The following RGS5 variants were observed in gnomAD, a reference collection of about 807,000 sequenced individuals.
RGS5 encodes regulator of G protein signaling 5, also known as regulator of G-protein signalling 5.
Under a neutral mutation model 18.9 loss-of-function variants are expected in RGS5, and 20 were observed. The observed-to-expected ratio is 1.06, with a 90% CI of 0.74 to 1.54. The LOEUF (loss-of-function observed/expected upper bound fraction) is 1.54. Among genes scored for constraint, RGS5 ranks in the 40% most tolerant of loss-of-function variants. RGS5 has a pLI of 0.00. For missense variants in RGS5, 201 were observed against 211.8 expected (o/e 0.95, Z 0.32); for synonymous variants, 57 against 76.2 (o/e 0.75, Z 1.31).
At chr1:163,155,569 T>C (rs1208380367) in intron 3 of RGS5, among the ~76,000 whole-genome samples, 1 of 152,182 alleles carries the variant, frequency 6.6e-6, no homozygotes, top group East Asian at 1.9e-4. Flanking sequence ...CTTCTCCTCT[T>C]TAGCCTCTGG....
intron 2 of RGS5, among the ~76,000 whole-genome samples, chr1:163,271,685 T>C (rs111302430): frequency 2.0e-5 from 3 of 152,204 alleles, no homozygotes; most frequent in African/African-American, 7.2e-5. Flanking sequence ...TGTTAATCAC[T>C]CACCAGTTGA....
At chr1:163,218,381 C>A (rs940482325), upstream of RGS5, among the ~76,000 whole-genome samples, 1 of 152,046 alleles carries the variant, frequency 6.6e-6, no homozygotes, top group Non-Finnish European at 1.5e-5. Context: ...ATAGTTGTTA[C>A]AAATATCTTA....
At chr1:163,170,806 A>C (rs1419714556) in intron 1 of RGS5, among the ~76,000 whole-genome samples, 1 of 152,190 alleles carries the variant, frequency 6.6e-6, no homozygotes, top group Admixed American at 6.5e-5. Flanking sequence ...TCAGCACGGC[A>C]TTAGGGTAAA....
chr1:163,191,342 A>G (rs1004652414), intron 1 of RGS5, among the ~76,000 whole-genome samples: 1 of 150,010 alleles, frequency 6.7e-6, no homozygotes, highest in African/African-American at 2.5e-5. Context: ...TCAAAATGCT[A>G]TAAAAAAAAA....
At chr1:163,190,360 G>A (rs1261256844) in intron 1 of RGS5, among the ~76,000 whole-genome samples, 1 of 152,038 alleles carries the variant, frequency 6.6e-6, no homozygotes. Flanking sequence ...ATAACTGAAG[G>A]ACATAAAATA....
At chr1:163,250,307 C>T (rs115067664) in intron 2 of RGS5, among the ~76,000 whole-genome samples, 2,507 of 152,220 alleles carry the variant, frequency 0.016, 36 homozygotes, top group Non-Finnish European at 0.024. Flanking sequence ...AAAAAAAGAG[C>T]CAAAGACAAA....
At position 163,143,739 on chromosome 1, in the gene RGS5, T is replaced by A. The variant is rs1315950819; in HGVS notation, c.*3603A>T. 6.6e-6 allele frequency: 1 copy of A among 152,184 alleles called. No individual in the cohort carries two copies. The highest frequency in any genetic ancestry group is 6.6e-5 in the Admixed American group (1 of 15,266). The allele number at this position is 152,184 out of a possible 1,614,324, so 9.4% of individuals were successfully genotyped here. A position where few individuals can be genotyped will look rare whatever the true frequency, so the allele number is the denominator to read the frequency against. ...GGCCTGCTAGGGAGAACAGTTTCAA[T>A]AATGAAAATCATTTCTCTGAAATAT... On this transcript the variant is annotated 3_prime_UTR_variant, in exon 5 of 5. Transcript: ENST00000313961.
chr1:163,256,039 G>A (rs940813670), intron 2 of RGS5, among the ~76,000 whole-genome samples: 4 of 152,076 alleles, frequency 2.6e-5, no homozygotes, highest in Non-Finnish European at 4.4e-5. Flanking sequence ...CATTCCCTTT[G>A]AAAACTGGTA....
rs183558140 is a variant in RGS5, at chr1:163,259,406, C to T, written c.-281+46827G>A. 1.8e-3 allele frequency among the ~76,000 whole-genome samples: 279 copies of T among 151,952 alleles called. 1 individual carries two copies. Among genetic ancestry groups the T allele is most frequent in the African/African-American group, 6.3e-3 (262 of 41,412 alleles). On this transcript the variant is annotated intron_variant, in intron 2 of 5. Coordinates refer to the RGS5 transcript ENST00000618415. ...GTCTCGATCTCCTGACCTCGTGATCCGCCCGCCTCTGCTTCCCAAAGTGTT... is the reference window on the plus strand; with the variant it reads ...GTCTCGATCTCCTGACCTCGTGATCTGCCCGCCTCTGCTTCCCAAAGTGTT...
rs1345711796 is a variant in RGS5 at position 163,216,299 on chromosome 1, A to G, written c.69+1227T>C. 3.3e-5 allele frequency among the ~76,000 whole-genome samples: 5 copies of G among 152,138 alleles called. No homozygotes were observed. In the South Asian group the frequency reaches 8.3e-4, roughly 25 times the overall value. ...ACTTGCAAAGGCAAGAGAGGGGGAC[A>G]TGAGGCACCATTTGAGCTTCAATTC... is the stretch of plus-strand genomic sequence containing the variant. On this transcript the variant is annotated intron_variant, in intron 1 of 5. Coordinates refer to the RGS5 transcript ENST00000367903.
At chr1:163,238,638 C>A in intron 2 of RGS5, 1 of 251,926 alleles carries the variant, frequency 4.0e-6, no homozygotes, top group South Asian at 8.3e-5. Flanking sequence ...GGTGGAATAT[C>A]AGGAATGAGG....
chr1:163,220,696 T>G (rs1367714202), upstream of RGS5, among the ~76,000 whole-genome samples: 1 of 152,074 alleles, frequency 6.6e-6, no homozygotes, highest in Non-Finnish European at 1.5e-5. Context: ...CCTTTTATGG[T>G]AAAAGGGATT....
At chr1:163,235,902 C>G (rs996705588) in intron 2 of RGS5, among the ~76,000 whole-genome samples, 1 of 152,180 alleles carries the variant, frequency 6.6e-6, no homozygotes, top group South Asian at 2.1e-4. Flanking sequence ...CAGGACAATG[C>G]CTTTAAAATT....
At chr1:163,173,415 T>C (rs1299082133) in intron 1 of RGS5, among the ~76,000 whole-genome samples, 1 of 152,180 alleles carries the variant, frequency 6.6e-6, no homozygotes, top group Non-Finnish European at 1.5e-5. Context: ...CAGTTTTAAA[T>C]CTGCTCCCTG....
At chr1:163,231,659 C>T (rs1461058717) in intron 2 of RGS5, among the ~76,000 whole-genome samples, 1 of 151,262 alleles carries the variant, frequency 6.6e-6, no homozygotes, top group African/African-American at 2.4e-5. Context: ...GTACTGTTGC[C>T]TTTTGTCCAA....
intron 2 of RGS5, among the ~76,000 whole-genome samples, chr1:163,243,471 C>T (rs530431370): frequency 1.3e-5 from 2 of 151,912 alleles, no homozygotes; most frequent in South Asian, 2.1e-4. Flanking sequence ...CACAGTGAAA[C>T]CCTGTCTCTA....
chr1:163,287,513 C>A (rs10494388), intron 2 of RGS5, among the ~76,000 whole-genome samples: 39,361 of 152,210 alleles, frequency 0.26, 6,122 homozygotes, highest in Non-Finnish European at 0.36. Flanking sequence ...TGGTTATCCA[C>A]TCTCAGCCTG....
rs185300823 is a variant in RGS5 at position 163,224,639 on chromosome 1, T to C, written c.-280-56271A>G. ...TCCATACTGTTGTTTGTAATGGCTG[T>C]ACTAATTTACATTTCACCAACATTG... On this transcript the variant is annotated intron_variant, in intron 2 of 5. Coordinates refer to the RGS5 transcript ENST00000618415. Among the ~76,000 whole-genome samples the C allele has an allele frequency of 1.5e-3, 236 of 152,342 alleles. 1 individual carries two copies. Among genetic ancestry groups the C allele is most frequent in the African/African-American group, 5.1e-3 (213 of 41,578 alleles).
At chr1:163,165,550 T>A (rs1658002852) in intron 2 of RGS5, among the ~76,000 whole-genome samples, 1 of 152,162 alleles carries the variant, frequency 6.6e-6, no homozygotes, top group East Asian at 1.9e-4. Flanking sequence ...GTGGGAGCAC[T>A]TAGAGAAAGA....
Sources: allele counts gnomAD v4.1 joint callset (sites outside exome capture counted in the v4.1 genomes callset), GRCh38; gene constraint gnomAD v4.1.1; transcripts MANE v1.5; gene names NCBI Gene and HGNC (gene_info 2026-07-23, HGNC 2026-07-21).